Variants in WDPCP observed in about 807,000 individuals in gnomAD.
WDPCP encodes the protein WD repeat containing planar cell polarity effector.
A neutral mutation model predicts 93.1 loss-of-function variants in WDPCP; 71 were observed. The ratio of observed to expected loss-of-function variants is 0.76; its 90% CI spans 0.63 to 0.93. The LOEUF (loss-of-function observed/expected upper bound fraction) is 0.93. Ranked by LOEUF, WDPCP falls within the 40% of genes least tolerant of loss-of-function variation. WDPCP has a pLI of 0.00. For missense variants in WDPCP, 844 were observed against 887.4 expected (o/e 0.95, Z 0.62); for synonymous variants, 315 against 315.0 (o/e 1.00, Z 0.00).
intron 14 of WDPCP, among the ~76,000 whole-genome samples, chr2:63,177,032 G>A (rs1322100453): frequency 6.6e-6 from 1 of 152,178 alleles, no homozygotes; most frequent in East Asian, 1.9e-4. Flanking sequence ...TGCATTGAAT[G>A]GTGTTGACAT....
intron 1 of WDPCP, among the ~76,000 whole-genome samples, chr2:63,508,094 G>T (rs928337886): frequency 6.6e-6 from 1 of 152,062 alleles, no homozygotes; most frequent in Non-Finnish European, 1.5e-5. Context: ...ACACCACAAA[G>T]ATGCTCCTCG....
chr2:63,439,198 A>T (rs1697336654), intron 7 of WDPCP, among the ~76,000 whole-genome samples: 1 of 152,164 alleles, frequency 6.6e-6, no homozygotes, highest in African/African-American at 2.4e-5. Flanking sequence ...AACTGGCTTA[A>T]TATCTTTTTC....
intron 15 of WDPCP, among the ~76,000 whole-genome samples, chr2:63,164,751 A>G (rs1559167348): frequency 6.6e-6 from 1 of 152,244 alleles, no homozygotes; most frequent in African/African-American, 2.4e-5. Context: ...GACGTAATTT[A>G]TAACAACACA....
chr2:63,776,702 C>T (rs1202900276), intron 2 of WDPCP, among the ~76,000 whole-genome samples: 1 of 135,930 alleles, frequency 7.4e-6, no homozygotes, highest in African/African-American at 2.7e-5. Context: ...AAAACAAGCA[C>T]ATGAAAGATG....
chr2:63,645,746 C>A (rs1001555461), intron 3 of WDPCP, among the ~76,000 whole-genome samples: 23 of 152,156 alleles, frequency 1.5e-4, no homozygotes, highest in African/African-American at 5.6e-4. Flanking sequence ...ACTCCTTTAT[C>A]ATTATTTAGT....
intron 12 of WDPCP, among the ~76,000 whole-genome samples, chr2:63,332,908 T>C (rs983551356): frequency 4.6e-5 from 7 of 152,132 alleles, no homozygotes; most frequent in Non-Finnish European, 8.8e-5. Context: ...ACTCGACCTA[T>C]TTTTTCCATG....
At chr2:63,769,872 C>T (rs1670199606) in intron 2 of WDPCP, among the ~76,000 whole-genome samples, 1 of 151,740 alleles carries the variant, frequency 6.6e-6, no homozygotes, top group African/African-American at 2.4e-5. Context: ...ATTAGTTTTT[C>T]TTTAAGTTTC....
intron 1 of WDPCP, among the ~76,000 whole-genome samples, chr2:63,547,201 A>G (rs1705217306): frequency 6.6e-6 from 1 of 152,204 alleles, no homozygotes; most frequent in Non-Finnish European, 1.5e-5. Flanking sequence ...CCACAGAGAC[A>G]TCATCCTATC....
chr2:63,712,602 C>CT (rs1428169622), intron 2 of WDPCP, among the ~76,000 whole-genome samples: 48 of 152,176 alleles, frequency 3.2e-4, no homozygotes, highest in Admixed American at 3.1e-3. Context: ...CAGCATCAGG[C>CT]TTTCTCCTGT....
intron 13 of WDPCP, among the ~76,000 whole-genome samples, chr2:63,292,111 C>T (rs1197324919): frequency 9.9e-5 from 12 of 121,770 alleles, no homozygotes; most frequent in Admixed American, 8.6e-4. Context: ...CCAGCCTGGG[C>T]GACAGAGCAA....
chr2:63,339,017 A>G (rs957896826), intron 12 of WDPCP, among the ~76,000 whole-genome samples: 4 of 152,084 alleles, frequency 2.6e-5, no homozygotes, highest in African/African-American at 9.7e-5. Context: ...CAAACATGGA[A>G]TATCTATTTT....
chr2:63,754,011 A>G (rs1347464059), intron 2 of WDPCP, among the ~76,000 whole-genome samples: 1 of 152,220 alleles, frequency 6.6e-6, no homozygotes, highest in Non-Finnish European at 1.5e-5. Flanking sequence ...AAGGGAAAAG[A>G]GCTGCCAAGC....
chr2:63,605,358 GACC>G, intron 3 of WDPCP: 1 of 1,614,140 alleles, frequency 6.2e-7, no homozygotes, highest in Non-Finnish European at 8.5e-7. Flanking sequence ...AGCCATCTGT[GACC>G]ACGTCAGGGA....
At chr2:63,721,334 A>G (rs1463877560) in intron 2 of WDPCP, among the ~76,000 whole-genome samples, 1 of 152,174 alleles carries the variant, frequency 6.6e-6, no homozygotes, top group Non-Finnish European at 1.5e-5. Flanking sequence ...ACAACTTCCC[A>G]TAACCAACCA....
intron 3 of WDPCP, among the ~76,000 whole-genome samples, chr2:63,640,219 A>G (rs169035): frequency 0.25 from 37,680 of 152,134 alleles, 5,620 homozygotes; most frequent in East Asian, 0.71. Flanking sequence ...CGTGTTAGCC[A>G]GGATGGTGTC....
At chr2:63,778,881 A>G (rs1244068200) in intron 2 of WDPCP, among the ~76,000 whole-genome samples, 1 of 152,138 alleles carries the variant, frequency 6.6e-6, no homozygotes, top group Non-Finnish European at 1.5e-5. Context: ...AAAATAACAT[A>G]TTTTTGTTTT....
At chr2:63,579,322 T>C (rs913870200) in intron 1 of WDPCP, among the ~76,000 whole-genome samples, 1 of 151,998 alleles carries the variant, frequency 6.6e-6, no homozygotes, top group Non-Finnish European at 1.5e-5. Flanking sequence ...AAAAAAGTCA[T>C]CAACTGGTTG....
At chr2:63,803,690 T>C (rs1354816697) in intron 2 of WDPCP, among the ~76,000 whole-genome samples, 1 of 152,214 alleles carries the variant, frequency 6.6e-6, no homozygotes, top group East Asian at 1.9e-4. Context: ...ACAAAAAATA[T>C]GTTATTTCCT....
chr2:63,532,951 T>C (rs1000093186), intron 1 of WDPCP, among the ~76,000 whole-genome samples: 1 of 152,166 alleles, frequency 6.6e-6, no homozygotes, highest in South Asian at 2.1e-4. Flanking sequence ...CAGTGTGCTG[T>C]ATTCAGGAGA....
Sources: allele counts gnomAD v4.1 joint callset (sites outside exome capture counted in the v4.1 genomes callset), GRCh38; gene constraint gnomAD v4.1.1; transcripts MANE v1.5; gene names NCBI Gene and HGNC (gene_info 2026-07-23, HGNC 2026-07-21).